Variants in ENOX1 observed in about 807,000 individuals in gnomAD.
ENOX1 encodes candidate growth-related and time keeping constitutive hydroquinone (NADH) oxidase.
ENOX1 carries 42 observed loss-of-function variants against 82.5 expected under a neutral mutation model. That is an observed-to-expected ratio of 0.51 (90% CI 0.40 to 0.66). ENOX1 has a LOEUF of 0.66. Ranked by LOEUF, ENOX1 falls within the 30% of genes least tolerant of loss-of-function variation. ENOX1 has a pLI of 0.00. For missense variants in ENOX1, 608 were observed against 811.6 expected (o/e 0.75, Z 3.05); for synonymous variants, 271 against 282.2 (o/e 0.96, Z 0.40).
Position 43,786,409 on chromosome 13 carries a change from C to A in ENOX1, c.-285+243G>T, listed in dbSNP as rs2153861585. Among the ~76,000 whole-genome samples, 1 of 149,932 alleles carries A rather than the reference C, an allele frequency of 6.7e-6. No homozygotes were observed. Among genetic ancestry groups the A allele is most frequent in the African/African-American group, 2.4e-5 (1 of 40,920 alleles). On this transcript the variant is annotated intron_variant, in intron 1 of 16. Coordinates refer to ENST00000690772, the MANE Select transcript of ENOX1 (RefSeq NM_001347969.2). This position sits in a 1 kb window ranked among gnomAD's most constrained non-coding sequence, Gnocchi z 6.0. ...AGCTGTCTGGGGCGCTGGGCACCCC[C>A]GGGCGCGTAAAAGTGAGGGAGCTTG... is the stretch of plus-strand genomic sequence containing the variant.
At chr13:43,371,668 G>A (rs968972612) in intron 5 of ENOX1, among the ~76,000 whole-genome samples, 21 of 152,072 alleles carry the variant, frequency 1.4e-4, no homozygotes, top group Admixed American at 1.3e-3. Context: ...AAAGAACAAA[G>A]AAAAACATTC....
chr13:43,619,432 G>T (rs186696228), intron 2 of ENOX1, among the ~76,000 whole-genome samples: 1 of 152,064 alleles, frequency 6.6e-6, no homozygotes, highest in Admixed American at 6.6e-5. Flanking sequence ...CTTGTATGCT[G>T]ATTTTGCTGA....
intron 8 of ENOX1, among the ~76,000 whole-genome samples, chr13:43,350,780 G>C (rs1056599555): frequency 4.6e-5 from 7 of 152,154 alleles, no homozygotes; most frequent in Non-Finnish European, 7.3e-5. Context: ...TGCACAGGGA[G>C]AAGCAGCCCT....
At chr13:43,310,409 T>A (rs9533453) in intron 11 of ENOX1, among the ~76,000 whole-genome samples, 143,574 of 151,928 alleles carry the variant, frequency 0.95, 68,217 homozygotes, top group East Asian at 1. Flanking sequence ...ATGATTTTTT[T>A]AAAAATGACT....
chr13:43,563,805 A>G (rs925236038), intron 2 of ENOX1, among the ~76,000 whole-genome samples: 1 of 152,140 alleles, frequency 6.6e-6, no homozygotes, highest in African/African-American at 2.4e-5. Context: ...AAGAAATCCA[A>G]AACCTCAAAA....
intron 11 of ENOX1, among the ~76,000 whole-genome samples, chr13:43,305,326 A>G (rs891992514): frequency 6.6e-6 from 1 of 152,182 alleles, no homozygotes; most frequent in Non-Finnish European, 1.5e-5. Flanking sequence ...TTGCAGGATT[A>G]TTATTATTAC....
intron 3 of ENOX1, among the ~76,000 whole-genome samples, chr13:43,440,761 A>C (rs888194119): frequency 3.3e-5 from 5 of 152,228 alleles, no homozygotes; most frequent in African/African-American, 1.2e-4. Context: ...CATATGTATA[A>C]AAGTGTATTT....
At chr13:43,711,580 C>T (rs1293815456) in intron 1 of ENOX1, among the ~76,000 whole-genome samples, 2 of 151,880 alleles carry the variant, frequency 1.3e-5, no homozygotes, top group Non-Finnish European at 2.9e-5. Flanking sequence ...TCTCCAGCAC[C>T]TGTTGTTTCC....
At chr13:43,302,790 A>C (rs992170735) in intron 11 of ENOX1, among the ~76,000 whole-genome samples, 1 of 152,152 alleles carries the variant, frequency 6.6e-6, no homozygotes, top group African/African-American at 2.4e-5. Context: ...TAACTTCTTT[A>C]AGTAAATAAT....
intron 3 of ENOX1, among the ~76,000 whole-genome samples, chr13:43,452,891 G>A (rs2057041118): frequency 6.6e-6 from 1 of 152,128 alleles, no homozygotes; most frequent in Non-Finnish European, 1.5e-5. Flanking sequence ...CTGGGCTTTT[G>A]TTATTGCCAC....
chr13:43,596,217 C>A (rs908959164), intron 2 of ENOX1, among the ~76,000 whole-genome samples: 3 of 152,216 alleles, frequency 2.0e-5, no homozygotes, highest in Admixed American at 6.5e-5. Context: ...CATCTGGGGA[C>A]AGGGGAAAAG....
intron 12 of ENOX1, among the ~76,000 whole-genome samples, chr13:43,282,933 A>C (rs1385788637): frequency 6.6e-6 from 1 of 151,954 alleles, no homozygotes; most frequent in African/African-American, 2.4e-5. Context: ...TCTACTAAAA[A>C]AATACAAAAT....
At chr13:43,331,977 C>T (rs188024292) in intron 9 of ENOX1, among the ~76,000 whole-genome samples, 70 of 152,036 alleles carry the variant, frequency 4.6e-4, no homozygotes, top group African/African-American at 1.2e-3. Flanking sequence ...AGGGATGGAC[C>T]GGAATTTCAA....
intron 5 of ENOX1, among the ~76,000 whole-genome samples, chr13:43,410,035 C>T (rs906599132): frequency 5.3e-5 from 8 of 152,144 alleles, no homozygotes; most frequent in African/African-American, 9.7e-5. Flanking sequence ...GGGGCAGATA[C>T]GGTAAATCTT....
chr13:43,370,291 T>C (rs1042170358), intron 5 of ENOX1, among the ~76,000 whole-genome samples: 6 of 151,692 alleles, frequency 4.0e-5, no homozygotes, highest in African/African-American at 9.7e-5. Flanking sequence ...GGCATGAACC[T>C]GGGAGGCGGA....
At chr13:43,651,967 T>A (rs1348585781) in intron 2 of ENOX1, among the ~76,000 whole-genome samples, 3 of 78,488 alleles carry the variant, frequency 3.8e-5, no homozygotes, top group Non-Finnish European at 7.3e-5. Context: ...TGAAACTTCG[T>A]CTCAAAAAAA....
intron 1 of ENOX1, among the ~76,000 whole-genome samples, chr13:43,675,546 A>C (rs1436709057): frequency 6.6e-6 from 1 of 152,208 alleles, no homozygotes; most frequent in East Asian, 1.9e-4. Context: ...ATGTAAACAT[A>C]TATGTTTTAA....
intron 5 of ENOX1, among the ~76,000 whole-genome samples, chr13:43,406,407 C>G (rs774901028): frequency 1.3e-5 from 2 of 151,674 alleles, no homozygotes; most frequent in Non-Finnish European, 2.9e-5. Flanking sequence ...TAGACCCTTA[C>G]AAGTGTGAAG....
At chr13:43,500,171 G>A (rs2076931945) in intron 2 of ENOX1, among the ~76,000 whole-genome samples, 1 of 152,028 alleles carries the variant, frequency 6.6e-6, no homozygotes, top group East Asian at 1.9e-4. Context: ...AGAGAAAAAG[G>A]AACAGAAAGC....
Sources: gnomAD v4.1 joint callset for allele counts (sites outside exome capture counted in the v4.1 genomes callset) on GRCh38, gnomAD v4.1.1 for gene constraint, Gnocchi (gnomAD v3.1) non-coding constraint, MANE v1.5 for transcripts, NCBI Gene and HGNC (gene_info 2026-07-23, HGNC 2026-07-21) for gene names.